Variants in WNK1 observed in about 807,000 individuals in gnomAD.
The protein encoded by WNK1 is WNK lysine deficient protein kinase 1, also known as serine/threonine-protein kinase WNK1.
In WNK1, 38 loss-of-function variants were observed where a neutral mutation model predicts 222.8. The ratio of observed to expected loss-of-function variants is 0.17; its 90% confidence interval spans 0.13 to 0.22. The LOEUF (loss-of-function observed/expected upper bound fraction) is 0.22, where lower values mean the gene tolerates loss of function less well. WNK1 is among the 10% of genes least tolerant of loss of function. The probability of loss-of-function intolerance (pLI) is 1.00; values close to 1 mark genes in which losing one functional copy is unlikely to be tolerated. For missense variants in WNK1, 2,348 were observed against 2,918.4 expected, an observed-to-expected ratio of 0.80 and a Z score of 4.50; for synonymous variants, 1,090 against 1,092.9, an observed-to-expected ratio of 1.00 and a Z score of 0.05.
intron 8 of WNK1, 119 bp downstream of exon 8, chr12:862,389 G>A: frequency 1.8e-6 from 2 of 1,132,102 alleles, no homozygotes; most frequent in Non-Finnish European, 2.6e-6. Context: ...AATATAAAAT[G>A]CTGTGTCTCT....
chr12:868,925 C>T lies in WNK1; in HGVS notation c.2140-2340C>T. 3 of 1,593,550 alleles carry T rather than the reference C, an allele frequency of 1.9e-6. No homozygotes were observed. Among genetic ancestry groups the T allele is most frequent in the Admixed American group, 3.5e-5 (2 of 57,694 alleles). On this transcript the variant is annotated intron_variant, in intron 8 of 27. Transcript: ENST00000315939. Reference sequence around the variant, plus strand: ...TTCAGACCCCAGTGATTTTCAGTCACCTCCCCCTACAGGGGGAGCAGCTGC... The same window carrying T: ...TTCAGACCCCAGTGATTTTCAGTCATCTCCCCCTACAGGGGGAGCAGCTGC...
At position 889,244 on chromosome 12, in the gene WNK1, T is replaced by TA; in HGVS notation, c.5448+25dup. ...TTGGTGTAAGTTTTGAAAATCTTGA[T>TA]AAAATCTCCTCATAACCCTAATATA... On this transcript the variant is annotated intron_variant, in intron 21 of 27. Transcript: ENST00000315939. 3.1e-6 allele frequency: 5 copies of TA among 1,591,604 alleles called. No homozygotes were observed. The African/African-American group carries it at 5.4e-5, about 17-fold the overall frequency.
intron 22 of WNK1, 25 bp from the exon 23 acceptor site, chr12:894,537 T>C: frequency 6.3e-7 from 1 of 1,595,204 alleles, no homozygotes; most frequent in Non-Finnish European, 8.6e-7. Flanking sequence ...CACTTATGTT[T>C]TCCTCATCCA....
At chr12:855,691 A>T (rs988341495) in intron 4 of WNK1, among the ~76,000 whole-genome samples, 2 of 152,298 alleles carry the variant, frequency 1.3e-5, no homozygotes, top group East Asian at 3.9e-4. Flanking sequence ...TGAACAGCAT[A>T]TCAGTGCTTC....
rs201379287 is a variant in WNK1 at position 881,768 on chromosome 12, C to G, written c.3188C>G (p.Thr1063Ser). 6.2e-7 allele frequency: 1 copy of G among 1,614,226 alleles called. No homozygotes were observed. The highest frequency in any genetic ancestry group is 1.1e-5 in the South Asian group (1 of 91,086). The part of the protein sequence containing the change: ...VAQTQATQPT[T>S]LASSVDSAHS... Reference sequence around the variant, plus strand: ...CAGACCCAAGCTACCCAGCCGACCACTTTGGCTTCCTCTGTAGACAGGTAC... The same window carrying G: ...CAGACCCAAGCTACCCAGCCGACCAGTTTGGCTTCCTCTGTAGACAGGTAC... Residue 1063 changes from threonine to serine, a missense_variant, in exon 13 of 28, where the codon ACT becomes AGT. Thr to Ser is a moderately conservative substitution (Grantham distance 58). Coordinates refer to ENST00000315939, the MANE Select transcript of WNK1 (RefSeq NM_018979.4).
In WNK1 at chr12:885,191, A is replaced by G; in HGVS notation, c.4387A>G (p.Ser1463Gly). Reference sequence around the variant, plus strand: ...AGCAACTTCAGCCTCTGCAGGGGGCAGTACTGCTACCCCAGGTCCTAAGCC... The same window carrying G: ...AGCAACTTCAGCCTCTGCAGGGGGCGGTACTGCTACCCCAGGTCCTAAGCC... ...VSATSASAGG[S>G]TATPGPKPPA... is the part of the protein sequence containing the mutation. The change falls in exon 19 of 28, where the codon AGT becomes GGT. Residue 1463 changes from serine to glycine, a missense_variant. Around this residue, in one of 13 missense-constraint regions of WNK1, gnomAD observed 1,144 missense variants for 1,273.6 expected, o/e 0.90. Coordinates refer to ENST00000315939, the MANE Select transcript of WNK1 (RefSeq NM_018979.4). 6.2e-7 allele frequency: 1 copy of G among 1,614,194 alleles called. No individual in the cohort carries two copies. The highest frequency in any genetic ancestry group is 8.5e-7 in the Non-Finnish European group (1 of 1,180,018).
intron 25 of WNK1, among the ~76,000 whole-genome samples, chr12:898,749 T>G (rs1465949891): frequency 1.3e-5 from 2 of 151,182 alleles, no homozygotes; most frequent in Non-Finnish European, 3.0e-5. Context: ...AACTTTGAAT[T>G]TTTTTTTTGA....
intron 8 of WNK1, chr12:865,269 A>G (rs1450708937): frequency 6.5e-7 from 1 of 1,535,920 alleles, no homozygotes; most frequent in African/African-American, 1.4e-5. Context: ...TTTTGCCGAA[A>G]AGCTTTCTAA....
intron 1 of WNK1, among the ~76,000 whole-genome samples, chr12:812,603 C>CTAA (rs1299982204): frequency 6.6e-6 from 1 of 152,186 alleles, no homozygotes; most frequent in Non-Finnish European, 1.5e-5. Context: ...CCTTTTATTA[C>CTAA]ATTCCTTATT....
intron 4 of WNK1, among the ~76,000 whole-genome samples, chr12:842,460 AT>A (rs555054933): frequency 1.5e-3 from 224 of 152,276 alleles, no homozygotes; most frequent in African/African-American, 5.1e-3. Context: ...AACTCTTTCC[AT>A]TATGGGGCTA....
At chr12:836,093 A>T (rs1162417903) in intron 4 of WNK1, among the ~76,000 whole-genome samples, 1 of 152,220 alleles carries the variant, frequency 6.6e-6, no homozygotes, top group African/African-American at 2.4e-5. Flanking sequence ...GAAATGTATG[A>T]CTAGGTACTA....
chr12:779,960 A>G (rs1232360755), intron 1 of WNK1, among the ~76,000 whole-genome samples: 1 of 152,152 alleles, frequency 6.6e-6, no homozygotes, highest in Admixed American at 6.5e-5. Flanking sequence ...ATGTTAAGCA[A>G]TTTTTTAAAA....
Position 883,542 on chromosome 12 carries a change from GATGACT to G in WNK1, c.3641_3646del (p.Asp1214_Tyr1215del), listed in dbSNP as rs1478596587. On this transcript the variant is annotated inframe_deletion, in exon 16 of 28. Coordinates refer to ENST00000315939, the MANE Select transcript of WNK1 (RefSeq NM_018979.4). ...GGGATTGGAGAGTCTACAAGGAAAG[GATGACT>G]ATGGCTTTTCAGGTTCTCAGGTAGG... 1 of 1,614,198 alleles carries G rather than the reference GATGACT, an allele frequency of 6.2e-7. No homozygotes were observed. The highest frequency in any genetic ancestry group is 1.1e-5 in the South Asian group (1 of 91,084).
rs1940550526 is a variant in WNK1, at chr12:758,518, G to C, written c.759+4194G>C. Among the ~76,000 whole-genome samples, 2 of 143,328 alleles carry C rather than the reference G, an allele frequency of 1.4e-5. 1 individual carries two copies. The highest frequency in any genetic ancestry group is 4.6e-4 in the South Asian group (2 of 4,312). The allele number at this position is 143,328 out of a possible 152,430, so 94.0% of individuals were successfully genotyped here. A position where few individuals can be genotyped will look rare whatever the true frequency, so the allele number is the denominator to read the frequency against. On this transcript the variant is annotated intron_variant, in intron 1 of 27. Coordinates refer to ENST00000315939, the MANE Select transcript of WNK1 (RefSeq NM_018979.4). Reference sequence around the variant, plus strand: ...TTCTCCTGCCTCAGCCTCCCGAGTAGCTGGGACTACAGGCGCCCGCCACCG... The same window carrying C: ...TTCTCCTGCCTCAGCCTCCCGAGTACCTGGGACTACAGGCGCCCGCCACCG...
Position 868,969 on chromosome 12 carries a change from C to T in WNK1, c.2140-2296C>T. The T allele has an allele frequency of 3.8e-6, 6 of 1,592,188 alleles. No homozygotes were observed. The South Asian group carries it at 4.5e-5, about 12-fold the overall frequency. ...CAGCTGCACCTTTTGGCTCTGACGT[C>T]TCAATGCCCTTTATCCATCTGCCTC... On this transcript the variant is annotated intron_variant, in intron 8 of 27. Transcript: ENST00000315939.
At position 860,997 on chromosome 12, in the gene WNK1, C is replaced by T. The variant is rs926788906; in HGVS notation, c.1621-16C>T. On this transcript the variant is annotated splice_polypyrimidine_tract_variant and intron_variant, in intron 6 of 27. Transcript: ENST00000315939. ...TTTCAATATACTACTGCTTAATTTA[C>T]CCTTTTATTCTGTAGGTAGAGTCTG... is the stretch of plus-strand genomic sequence containing the variant. 2.5e-6 allele frequency: 4 copies of T among 1,610,310 alleles called. No homozygotes were observed. The highest frequency in any genetic ancestry group is 3.4e-6 in the Non-Finnish European group (4 of 1,177,794).
chr12:864,665 A>G (rs1291511030), intron 8 of WNK1, among the ~76,000 whole-genome samples: 1 of 152,206 alleles, frequency 6.6e-6, no homozygotes, highest in East Asian at 1.9e-4. Context: ...CTCTTGCAAA[A>G]TAATCCAATC....
chr12:757,679 G>GTT (rs1940330092), intron 1 of WNK1, among the ~76,000 whole-genome samples: 1 of 148,808 alleles, frequency 6.7e-6, no homozygotes, highest in African/African-American at 2.4e-5. Context: ...TATCTGCAGA[G>GTT]TTTACATTGC....
intron 8 of WNK1, chr12:865,200 A>ACC: frequency 6.5e-7 from 1 of 1,535,304 alleles, no homozygotes. Flanking sequence ...CTTCCACCCC[A>ACC]CCGCCAGTAC....
Sources: gnomAD v4.1 joint callset for allele counts (sites outside exome capture counted in the v4.1 genomes callset) on GRCh38, gnomAD v4.1.1 for gene constraint, gnomAD v4.1.1 regional missense constraint, MANE v1.5 for transcripts, NCBI Gene and HGNC (gene_info 2026-07-23, HGNC 2026-07-21) for gene names.